The following MYO5B variants were observed in gnomAD, a reference collection of about 807,000 sequenced individuals.
MYO5B encodes myosin VB, also known as unconventional myosin-Vb.
In MYO5B, 143 loss-of-function variants were observed where a neutral mutation model predicts 229.3. The observed-to-expected ratio is 0.62, with a 90% CI of 0.54 to 0.72. The LOEUF is 0.72. Among genes scored for constraint, MYO5B ranks in the 30% least tolerant of loss-of-function variants. The pLI, the probability that MYO5B is intolerant of heterozygous loss-of-function variation, is 0.00. For synonymous variants in MYO5B, 918 were observed against 885.2 expected (o/e 1.04, Z -0.66); for missense variants, 2,321 against 2,331.0 (o/e 1.00, Z 0.09).
chr18:50,002,197 T>C (rs1217259665), intron 4 of MYO5B, among the ~76,000 whole-genome samples: 1 of 152,314 alleles, frequency 6.6e-6, no homozygotes, highest in Non-Finnish European at 1.5e-5. Flanking sequence ...TGCCAGCAGA[T>C]ACAGTTTTGA....
At chr18:50,148,673 G>A (rs986485314) in intron 1 of MYO5B, among the ~76,000 whole-genome samples, 3 of 151,996 alleles carry the variant, frequency 2.0e-5, no homozygotes, top group African/African-American at 4.8e-5. Context: ...AGGTATTGAT[G>A]GGACGTATCT....
rs545616056 is a variant in MYO5B, at chr18:50,121,102, C to T, written c.28-65724G>A. On this transcript the variant is annotated intron_variant, in intron 1 of 39. Transcript: ENST00000285039. ...CCCTTCTCCTCTGTTTCTCAGTCCT[C>T]GAGGCCTAGTGTGGGTTCCTCCTCT... is the stretch of plus-strand genomic sequence containing the variant. 3.9e-4 allele frequency among the ~76,000 whole-genome samples: 59 copies of T among 152,288 alleles called. No homozygotes were observed. In the South Asian group the frequency reaches 5.4e-3, roughly 14 times the overall value.
intron 1 of MYO5B, among the ~76,000 whole-genome samples, chr18:50,087,438 T>C (rs931970634): frequency 3.3e-5 from 5 of 151,776 alleles, no homozygotes; most frequent in Admixed American, 6.6e-5. Flanking sequence ...CCAGGTGTGG[T>C]GGCACGCGCC....
At chr18:50,153,206 A>G (rs905574927) in intron 1 of MYO5B, among the ~76,000 whole-genome samples, 1 of 152,174 alleles carries the variant, frequency 6.6e-6, no homozygotes, top group African/African-American at 2.4e-5. Flanking sequence ...ACTAATTGCA[A>G]TAAGATTTGG....
intron 29 of MYO5B, among the ~76,000 whole-genome samples, chr18:49,861,531 A>G (rs954150031): frequency 1.3e-5 from 2 of 152,206 alleles, no homozygotes; most frequent in African/African-American, 4.8e-5. Context: ...CAGTTTTAGC[A>G]CTGAGAGAGT....
At chr18:49,863,158 A>G (rs957750126) in intron 29 of MYO5B, 69 bp downstream of exon 29, 1 of 1,247,946 alleles carries the variant, frequency 8.0e-7, no homozygotes, top group Non-Finnish European at 1.2e-6. Context: ...GGAAAACCCC[A>G]AACAGACTCG....
At chr18:49,918,188 T>C (rs1486456623) in intron 17 of MYO5B, among the ~76,000 whole-genome samples, 1 of 152,208 alleles carries the variant, frequency 6.6e-6, no homozygotes, top group East Asian at 1.9e-4. Flanking sequence ...CGTGCAAATA[T>C]TCTGCAGAAC....
chr18:49,877,488 G>A (rs1028281777), intron 25 of MYO5B, among the ~76,000 whole-genome samples: 2 of 145,164 alleles, frequency 1.4e-5, no homozygotes, highest in African/African-American at 2.6e-5. Flanking sequence ...TCAGCTTCTT[G>A]GTTTTTCAAG....
intron 18 of MYO5B, among the ~76,000 whole-genome samples, chr18:49,911,712 G>C (rs1033531638): frequency 6.6e-6 from 1 of 152,190 alleles, no homozygotes; most frequent in African/African-American, 2.4e-5. Context: ...ACCCTCAGCT[G>C]AACTGGCAGA....
chr18:50,119,907 C>A (rs2032028990), intron 1 of MYO5B, among the ~76,000 whole-genome samples: 1 of 152,076 alleles, frequency 6.6e-6, no homozygotes, highest in African/African-American at 2.4e-5. Context: ...GTGAACTAGA[C>A]CCTTCCTCAA....
rs945253000 is a variant in MYO5B at position 49,937,380 on chromosome 18, G to A, written c.1770C>T (p.Asp590=). The change falls in exon 15 of 40, where the codon GAC becomes GAT. Residue 590 remains aspartate (D), a synonymous_variant. Transcript: ENST00000285039. ...LKASKFPLVA[D]LFHDDKDPVP... is the part of the protein sequence containing the mutation. ...CAGGGTCCTTGTCATCATGAAACAA[G>A]TCAGCCACTAGTGGGAACTAGAAAC... 1.2e-6 allele frequency: 2 copies of A among 1,614,118 alleles called. No homozygotes were observed. The highest frequency in any genetic ancestry group is 1.7e-6 in the Non-Finnish European group (2 of 1,179,978).
At chr18:49,905,889 T>C (rs1017771023) in intron 19 of MYO5B, among the ~76,000 whole-genome samples, 43 of 152,222 alleles carry the variant, frequency 2.8e-4, no homozygotes, top group African/African-American at 6.7e-4. Context: ...GGGAGGCTGA[T>C]TGGCATCCTG....
chr18:50,060,204 G>A (rs2030654206), intron 1 of MYO5B, among the ~76,000 whole-genome samples: 1 of 152,136 alleles, frequency 6.6e-6, no homozygotes, highest in Admixed American at 6.5e-5. Context: ...CACACACACT[G>A]TTCTGGTTGT....
At chr18:49,837,984 G>C (rs1238551483) in intron 36 of MYO5B, among the ~76,000 whole-genome samples, 182 bp from the exon 37 acceptor site, 1 of 152,164 alleles carries the variant, frequency 6.6e-6, no homozygotes, top group Admixed American at 6.5e-5. Context: ...TTTCTGTATG[G>C]AATAAAACAG....
intron 4 of MYO5B, among the ~76,000 whole-genome samples, chr18:50,008,194 ACTT>A (rs1264672949): frequency 6.6e-6 from 1 of 152,068 alleles, no homozygotes; most frequent in Non-Finnish European, 1.5e-5. Flanking sequence ...GCTTGACATC[ACTT>A]CTCTAGAAGG....
intron 1 of MYO5B, among the ~76,000 whole-genome samples, chr18:50,065,612 T>C (rs58984742): frequency 0.14 from 20,832 of 152,134 alleles, 1,527 homozygotes; most frequent in East Asian, 0.23. Flanking sequence ...GGTCCCTCCC[T>C]TGACATATGG....
At chr18:50,039,029 C>T (rs759441030) in intron 3 of MYO5B, among the ~76,000 whole-genome samples, 1 of 152,156 alleles carries the variant, frequency 6.6e-6, no homozygotes, top group African/African-American at 2.4e-5. Flanking sequence ...CTAAAACTAT[C>T]AATTCCAAAC....
intron 22 of MYO5B, among the ~76,000 whole-genome samples, chr18:49,889,608 T>C (rs547142270): frequency 2.1e-4 from 32 of 152,294 alleles, no homozygotes; most frequent in African/African-American, 7.2e-4. Flanking sequence ...AACATTCTCC[T>C]AATATCTAGA....
intron 1 of MYO5B, among the ~76,000 whole-genome samples, chr18:50,095,951 A>T (rs150222255): frequency 6.6e-6 from 1 of 152,332 alleles, no homozygotes; most frequent in Non-Finnish European, 1.5e-5. Flanking sequence ...AGTCGGTCCC[A>T]AGTTTGGTGA....
Sources: allele counts gnomAD v4.1 joint callset (sites outside exome capture counted in the v4.1 genomes callset), GRCh38; gene constraint gnomAD v4.1.1; transcripts MANE v1.5; gene names NCBI Gene and HGNC (gene_info 2026-07-23, HGNC 2026-07-21).